The following PCDHA9 variants were observed in gnomAD, a reference collection of about 807,000 sequenced individuals.
PCDHA9 encodes protocadherin alpha-9.
A neutral mutation model predicts 62.0 loss-of-function variants in PCDHA9; 62 were observed. The ratio of observed to expected loss-of-function variants is 1.00; its 90% CI spans 0.81 to 1.23. The LOEUF (loss-of-function observed/expected upper bound fraction) is 1.23. Among genes scored for constraint, PCDHA9 ranks in the 50% most tolerant of loss-of-function variants. The pLI, the probability that PCDHA9 is intolerant of heterozygous loss-of-function variation, is 0.00. For synonymous variants in PCDHA9, 557 were observed against 567.6 expected (o/e 0.98, Z 0.27); for missense variants, 1,205 against 1,249.8 (o/e 0.96, Z 0.54).
intron 1 of PCDHA9, chr5:140,884,248 G>T (rs1554181373): frequency 1.2e-6 from 2 of 1,613,458 alleles, no homozygotes; most frequent in East Asian, 4.5e-5. Flanking sequence ...CCGCGCTGAC[G>T]GCCACGGCAA....
chr5:140,943,632 G>A (rs1351799858), intron 1 of PCDHA9, among the ~76,000 whole-genome samples: 1 of 152,098 alleles, frequency 6.6e-6, no homozygotes, highest in Non-Finnish European at 1.5e-5. Flanking sequence ...AAGGAAGCTG[G>A]ATTATGGATA....
At chr5:140,867,070 CA>C (rs1214152735) in intron 1 of PCDHA9, 1 of 152,124 alleles carries the variant, frequency 6.6e-6, no homozygotes, top group Non-Finnish European at 1.5e-5. Flanking sequence ...TATATATTCA[CA>C]AAATACTGTA....
At chr5:140,867,118 T>G (rs2049765139) in intron 1 of PCDHA9, 1 of 152,172 alleles carries the variant, frequency 6.6e-6, no homozygotes, top group Non-Finnish European at 1.5e-5. Context: ...CATATTGTTT[T>G]AATTCAAATA....
intron 1 of PCDHA9, among the ~76,000 whole-genome samples, chr5:140,897,060 A>G (rs2153455161): frequency 6.6e-6 from 1 of 152,068 alleles, no homozygotes; most frequent in East Asian, 1.9e-4. Flanking sequence ...GTCAAATACT[A>G]TGTCTTATTC....
chr5:140,883,558 G>A, intron 1 of PCDHA9: 2 of 1,614,190 alleles, frequency 1.2e-6, no homozygotes, highest in South Asian at 1.1e-5. Context: ...CGCGGGACGG[G>A]GGCTCGCCTT....
Position 140,871,268 on chromosome 5 carries a change from G to T in PCDHA9, c.2394+20379G>T, listed in dbSNP as rs368729446. ...CTGCTGCTGTATACGGCGCTGTGGTGGTCGGCAACGCCCACTGAGGGCGCG... is the reference window on the plus strand; with the variant it reads ...CTGCTGCTGTATACGGCGCTGTGGTTGTCGGCAACGCCCACTGAGGGCGCG... On this transcript the variant is annotated intron_variant, in intron 1 of 3. Transcript: ENST00000532602. 53 of 1,613,850 alleles carry T rather than the reference G, an allele frequency of 3.3e-5. No homozygotes were observed. The African/African-American group carries it at 6.7e-4, about 20-fold the overall frequency.
At chr5:140,897,591 T>C (rs542451957) in intron 1 of PCDHA9, among the ~76,000 whole-genome samples, 1 of 152,312 alleles carries the variant, frequency 6.6e-6, no homozygotes, top group African/African-American at 2.4e-5. Flanking sequence ...TCTGTCATTG[T>C]TGGACATTTG....
intron 3 of PCDHA9, among the ~76,000 whole-genome samples, chr5:141,002,568 C>T (rs1554258737): frequency 6.6e-6 from 1 of 152,182 alleles, no homozygotes; most frequent in Admixed American, 6.5e-5. Context: ...AGTTAGTGAC[C>T]ATGTGACCAT....
chr5:140,890,515 T>C (rs996565867), intron 1 of PCDHA9, among the ~76,000 whole-genome samples: 2 of 152,198 alleles, frequency 1.3e-5, no homozygotes, highest in African/African-American at 4.8e-5. Context: ...CTCTATTTCC[T>C]TCCTTTGTTG....
At chr5:140,911,822 C>A (rs2075653935) in intron 1 of PCDHA9, among the ~76,000 whole-genome samples, 1 of 152,104 alleles carries the variant, frequency 6.6e-6, no homozygotes. Context: ...CTCCAGAAAC[C>A]CCAAAACCAA....
At chr5:140,876,961 C>A in intron 1 of PCDHA9, 1 of 1,613,154 alleles carries the variant, frequency 6.2e-7, no homozygotes, top group Non-Finnish European at 8.5e-7. Flanking sequence ...GCTGGTGGAG[C>A]GGCGGGTGGG....
At chr5:140,854,330 T>A in intron 1 of PCDHA9, 1 of 213,708 alleles carries the variant, frequency 4.7e-6, no homozygotes, top group Non-Finnish European at 8.0e-6. Flanking sequence ...GCAAACTTAT[T>A]TTACGCTCCA....
At chr5:140,888,624 C>T (rs2061910720) in intron 1 of PCDHA9, among the ~76,000 whole-genome samples, 1 of 152,198 alleles carries the variant, frequency 6.6e-6, no homozygotes, top group Non-Finnish European at 1.5e-5. Flanking sequence ...CTAATTCGGC[C>T]TTCTATTACA....
At chr5:140,892,819 A>G (rs551280418) in intron 1 of PCDHA9, among the ~76,000 whole-genome samples, 2 of 152,304 alleles carry the variant, frequency 1.3e-5, no homozygotes, top group South Asian at 4.1e-4. Context: ...TTTATCCTAC[A>G]GTGCTACAGT....
At chr5:140,883,332 T>C (rs2059555585) in intron 1 of PCDHA9, 3 of 1,614,174 alleles carry the variant, frequency 1.9e-6, no homozygotes, top group Non-Finnish European at 2.5e-6. Flanking sequence ...ATCACTTCTT[T>C]GTCACTCCCC....
chr5:140,985,716 A>G (rs960879186), intron 3 of PCDHA9, among the ~76,000 whole-genome samples: 7 of 113,758 alleles, frequency 6.2e-5, no homozygotes, highest in Admixed American at 2.6e-4. Flanking sequence ...TCTTAAAGTT[A>G]TTTTTCCTTC....
chr5:140,870,276 C>T (rs1554163984), intron 1 of PCDHA9: 3 of 1,614,170 alleles, frequency 1.9e-6, no homozygotes, highest in South Asian at 1.1e-5. Context: ...TGACGCCCCA[C>T]GTTCCCTTCA....
At chr5:140,995,924 G>T (rs998405229) in intron 3 of PCDHA9, among the ~76,000 whole-genome samples, 2 of 152,308 alleles carry the variant, frequency 1.3e-5, no homozygotes, top group African/African-American at 4.8e-5. Flanking sequence ...ATAGGCTGTT[G>T]TAAGTATTAA....
chr5:140,980,608 G>A (rs994415170), intron 2 of PCDHA9, among the ~76,000 whole-genome samples: 6 of 151,850 alleles, frequency 4.0e-5, no homozygotes, highest in African/African-American at 7.3e-5. Context: ...CCAGCCTGGC[G>A]ACAGTGCGAG....
Sources: gnomAD v4.1 joint callset for allele counts (sites outside exome capture counted in the v4.1 genomes callset) on GRCh38, gnomAD v4.1.1 for gene constraint, MANE v1.5 for transcripts, NCBI Gene and HGNC (gene_info 2026-07-23, HGNC 2026-07-21) for gene names.